Variants in TBC1D20 observed in about 807,000 individuals in gnomAD.
TBC1D20 encodes the protein TBC1 domain family member 20, also known as chromosome 20 open reading frame 140.
TBC1D20 carries 12 observed loss-of-function variants against 41.6 expected under a neutral mutation model. That is an observed-to-expected ratio of 0.29 (90% CI 0.18 to 0.47). The LOEUF (loss-of-function observed/expected upper bound fraction) is 0.47. TBC1D20 is among the 20% of genes least tolerant of loss of function. TBC1D20 has a pLI of 1.00. For missense variants in TBC1D20, 421 were observed against 517.4 expected, an observed-to-expected ratio of 0.81 and a Z score of 1.81; for synonymous variants, 205 against 204.8, an observed-to-expected ratio of 1.00 and a Z score of -0.01.
Position 447,902 on chromosome 20 carries a change from T to C in TBC1D20, c.243A>G (p.Pro81=). 1 of 1,612,398 alleles carries C rather than the reference T, an allele frequency of 6.2e-7. No individual in the cohort carries two copies. The highest frequency in any genetic ancestry group is 1.1e-5 in the South Asian group (1 of 91,030). Residue 81 remains proline (P), a synonymous_variant, in exon 2 of 8, where the codon CCA becomes CCG. Coordinates refer to ENST00000354200, the MANE Select transcript of TBC1D20 (RefSeq NM_144628.4). ...CACTCCCCTTACCTGATATAGGAGG[T>C]GGGTCATTGGCATTGACATTGAGGA... ...PKLLNVNAND[P]PPISGKNLRQ...
intron 1 of TBC1D20, among the ~76,000 whole-genome samples, chr20:456,920 G>C (rs2017550092): frequency 6.9e-6 from 1 of 145,600 alleles, no homozygotes; most frequent in South Asian, 2.2e-4. Flanking sequence ...ATATATTCTG[G>C]ATCCTTCTTT....
chr20:444,985 C>T (rs998869531), intron 3 of TBC1D20, 65 bp downstream of exon 3: 9 of 1,442,706 alleles, frequency 6.2e-6, no homozygotes, highest in Non-Finnish European at 8.6e-6. Context: ...CATATTAGGT[C>T]ACATGGTATG....
rs2017647981 is a variant in TBC1D20 at position 462,325 on chromosome 20, G to A, written c.70+11C>T. The A allele has an allele frequency of 2.1e-5, 27 of 1,291,466 alleles. No individual in the cohort carries two copies. Among genetic ancestry groups the A allele is most frequent in the Non-Finnish European group, 2.4e-5 (24 of 1,011,102 alleles). The allele number at this position is 1,291,466 out of a possible 1,614,324, so 80.0% of individuals were successfully genotyped here. ...GCAGGCCGCTCCCGGCGCCCCGGTC[G>A]GCTTCCGTACCTGCCTTCTCCGCGC... On this transcript the variant is annotated intron_variant, in intron 1 of 7. Transcript: ENST00000354200.
intron 1 of TBC1D20, 59 bp from the exon 2 acceptor site, chr20:448,133 T>C: frequency 7.8e-7 from 1 of 1,288,234 alleles, no homozygotes; most frequent in African/African-American, 1.5e-5. Context: ...ATTTTCTGCC[T>C]AGGACTCAAG....
intron 1 of TBC1D20, among the ~76,000 whole-genome samples, chr20:451,598 T>A (rs1037187191): frequency 1.3e-5 from 2 of 152,194 alleles, no homozygotes; most frequent in Admixed American, 6.6e-5. Context: ...GACCTACCTA[T>A]CTTTGGTGTC....
chr20:460,434 CAAAA>C (rs10580827), intron 1 of TBC1D20, among the ~76,000 whole-genome samples: 199 of 128,706 alleles, frequency 1.5e-3, no homozygotes, highest in Non-Finnish European at 1.6e-3. Context: ...TCCCATCTCT[CAAAA>C]AAAAAAAAAA....
chr20:456,837 A>T, intron 1 of TBC1D20, among the ~76,000 whole-genome samples: 1 of 152,038 alleles, frequency 6.6e-6, no homozygotes, highest in East Asian at 1.9e-4. Context: ...AAGTGCTGGG[A>T]TTACAGGAGT....
intron 1 of TBC1D20, among the ~76,000 whole-genome samples, chr20:461,139 A>T (rs2017621955): frequency 1.3e-5 from 2 of 152,230 alleles, no homozygotes; most frequent in South Asian, 4.1e-4. Context: ...TGGCTCTGTT[A>T]CGGGCACCAT....
At chr20:447,797 T>G (rs2017363978) in intron 2 of TBC1D20, 92 bp downstream of exon 2, 1 of 1,174,212 alleles carries the variant, frequency 8.5e-7, no homozygotes, top group African/African-American at 1.5e-5. Context: ...ATACCCTTGG[T>G]TTGAAAGGAC....
rs75777584 is a variant in TBC1D20, at chr20:459,383, C to T, written c.70+2953G>A. On this transcript the variant is annotated intron_variant, in intron 1 of 7. Transcript: ENST00000354200. ...GGTAGAATGTATGTCATTCTAATCT[C>T]CCTCAATCCTTTCTTCTCCAATTTC... Among the ~76,000 whole-genome samples, 661 of 152,286 alleles carry T rather than the reference C, an allele frequency of 4.3e-3. 1 individual carries two copies. Among genetic ancestry groups the T allele is most frequent in the Middle Eastern group, 0.027 (8 of 294 alleles).
intron 2 of TBC1D20, among the ~76,000 whole-genome samples, chr20:446,619 G>A (rs1053139624): frequency 2.6e-5 from 4 of 152,068 alleles, no homozygotes; most frequent in Non-Finnish European, 4.4e-5. Flanking sequence ...AGGATTACAG[G>A]CGTGAGCCAC....
At chr20:448,140 C>CA (rs2017372895) in intron 1 of TBC1D20, 66 bp from the exon 2 acceptor site, 1 of 1,202,556 alleles carries the variant, frequency 8.3e-7, no homozygotes, top group African/African-American at 1.5e-5. Flanking sequence ...GCCTAGGACT[C>CA]AAGCTCCTTT....
chr20:435,507 T>A lies in TBC1D20; in HGVS notation c.*3079A>T, dbSNP rs570022003. 8.5e-5 allele frequency: 13 copies of A among 153,748 alleles called. No homozygotes were observed. The highest frequency in any genetic ancestry group is 3.1e-4 in the African/African-American group (13 of 41,566). The allele number at this position is 153,748 out of a possible 1,614,324, so 9.5% of individuals were successfully genotyped here. A position where few individuals can be genotyped will look rare whatever the true frequency, so the allele number is the denominator to read the frequency against. ...ATGTTTACCAGTTTATTACAAACAT[T>A]ATTAGAAAAGGATACAAATAAGTAA... On this transcript the variant is annotated 3_prime_UTR_variant, in exon 8 of 8. Transcript: ENST00000354200.
intron 2 of TBC1D20, among the ~76,000 whole-genome samples, chr20:447,098 G>A (rs1254044536): frequency 6.7e-6 from 1 of 149,542 alleles, no homozygotes; most frequent in East Asian, 2.0e-4. Flanking sequence ...ACAGGCACCT[G>A]CCACCATACC....
chr20:448,937 G>A (rs1469723687), intron 1 of TBC1D20, among the ~76,000 whole-genome samples: 96 of 143,902 alleles, frequency 6.7e-4, no homozygotes, highest in Non-Finnish European at 5.3e-4. Flanking sequence ...TCCGCCTCCC[G>A]GGTCCCGGTT....
intron 1 of TBC1D20, among the ~76,000 whole-genome samples, chr20:454,803 C>T (rs1002002997): frequency 6.6e-6 from 1 of 152,004 alleles, no homozygotes; most frequent in African/African-American, 2.4e-5. Context: ...TCCCAGGTAG[C>T]CAGGATTACA....
At chr20:447,837 T>G in intron 2 of TBC1D20, 52 bp downstream of exon 2, 1 of 1,466,414 alleles carries the variant, frequency 6.8e-7, no homozygotes, top group Non-Finnish European at 9.2e-7. Context: ...GGAATTCTTT[T>G]CCCCCTGTCT....
intron 3 of TBC1D20, among the ~76,000 whole-genome samples, chr20:442,401 A>G: frequency 6.6e-6 from 1 of 152,238 alleles, no homozygotes; most frequent in East Asian, 1.9e-4. Context: ...TCAACAGCGC[A>G]CAGACCTCAA....
In TBC1D20 at chr20:436,461, C is replaced by A. The variant is rs988582285; in HGVS notation, c.*2125G>T. ...CAGATAAACATTCTCCTTCCGAGGC[C>A]ACAACTCAAGCAAATGCCACTTGCT... On this transcript the variant is annotated 3_prime_UTR_variant, in exon 8 of 8. Transcript: ENST00000354200. The A allele has an allele frequency of 6.5e-6, 1 of 152,960 alleles. No individual in the cohort carries two copies. Among genetic ancestry groups the A allele is most frequent in the Non-Finnish European group, 1.5e-5 (1 of 68,046 alleles). The allele number at this position is 152,960 out of a possible 1,614,324, so 9.5% of individuals were successfully genotyped here.
Sources: gnomAD v4.1 joint callset for allele counts (sites outside exome capture counted in the v4.1 genomes callset) on GRCh38, gnomAD v4.1.1 for gene constraint, MANE v1.5 for transcripts, NCBI Gene and HGNC (gene_info 2026-07-23, HGNC 2026-07-21) for gene names.